LRBA: variants seen among roughly 807,000 people sequenced by gnomAD.
LRBA encodes lipopolysaccharide-responsive and beige-like anchor protein.
A neutral mutation model predicts 330.0 loss-of-function variants in LRBA; 176 were observed. That is an observed-to-expected ratio of 0.53 (90% CI 0.47 to 0.60). The LOEUF is 0.60. Among genes scored for constraint, LRBA ranks in the 20% least tolerant of loss-of-function variants. LRBA has a pLI of 0.00. For synonymous variants in LRBA, 1,230 were observed against 1,193.0 expected, an observed-to-expected ratio of 1.03 and a Z score of -0.64; for missense variants, 3,259 against 3,444.8, an observed-to-expected ratio of 0.95 and a Z score of 1.35.
intron 38 of LRBA, among the ~76,000 whole-genome samples, chr4:150,593,873 T>C (rs1167234374): frequency 6.6e-6 from 1 of 152,224 alleles, no homozygotes; most frequent in East Asian, 1.9e-4. Context: ...TGGTTTAAAA[T>C]AGCTCAAAAA....
At chr4:150,398,999 C>T (rs1458262061) in intron 47 of LRBA, among the ~76,000 whole-genome samples, 1 of 152,072 alleles carries the variant, frequency 6.6e-6, no homozygotes, top group Non-Finnish European at 1.5e-5. Flanking sequence ...AATTAAAATA[C>T]AGAAAATTAA....
intron 22 of LRBA, among the ~76,000 whole-genome samples, chr4:150,855,491 T>C (rs1182241005): frequency 6.6e-6 from 1 of 152,222 alleles, no homozygotes; most frequent in African/African-American, 2.4e-5. Context: ...GTTTTTAGAA[T>C]TTGTATTATA....
At chr4:150,759,236 A>G (rs996448917) in intron 35 of LRBA, among the ~76,000 whole-genome samples, 2 of 152,164 alleles carry the variant, frequency 1.3e-5, no homozygotes, top group Non-Finnish European at 2.9e-5. Flanking sequence ...TTTTTAATCC[A>G]TAAGGGAGAC....
chr4:150,676,277 T>A (rs1226916476), intron 37 of LRBA, among the ~76,000 whole-genome samples: 1 of 152,224 alleles, frequency 6.6e-6, no homozygotes, highest in Non-Finnish European at 1.5e-5. Context: ...TCCAAATATA[T>A]CCTTGTTTAT....
At chr4:151,006,339 T>A (rs1005877634) in intron 2 of LRBA, among the ~76,000 whole-genome samples, 10 of 151,964 alleles carry the variant, frequency 6.6e-5, no homozygotes, top group Non-Finnish European at 1.2e-4. Context: ...AAAATAAAAT[T>A]AAATAAAATA....
chr4:150,329,017 A>C (rs940336411), intron 48 of LRBA, among the ~76,000 whole-genome samples: 1 of 152,198 alleles, frequency 6.6e-6, no homozygotes, highest in Non-Finnish European at 1.5e-5. Flanking sequence ...CTTAACTTTA[A>C]TCTTAACATT....
intron 2 of LRBA, among the ~76,000 whole-genome samples, chr4:151,007,601 T>C (rs1744239954): frequency 6.6e-6 from 1 of 151,618 alleles, no homozygotes; most frequent in Non-Finnish European, 1.5e-5. Flanking sequence ...CTCACATCTG[T>C]AATCCCTGCA....
In LRBA at chr4:150,622,997, A is replaced by G. The variant is rs949924302; in HGVS notation, c.5922-23866T>C. Among the ~76,000 whole-genome samples the G allele has an allele frequency of 2.6e-5, 4 of 152,170 alleles. No homozygotes were observed. In the East Asian group the frequency reaches 7.8e-4, roughly 30 times the overall value. On this transcript the variant is annotated intron_variant, in intron 37 of 56. Coordinates refer to ENST00000651943, the MANE Select transcript of LRBA (RefSeq NM_001364905.1). ...CAGGCGTGAGCCACCGCGCCCGGCC[A>G]ACAATCTTAAGGCTGATTTCCTCTC...
At chr4:150,501,288 T>C (rs565414002) in intron 40 of LRBA, among the ~76,000 whole-genome samples, 1 of 152,302 alleles carries the variant, frequency 6.6e-6, no homozygotes, top group East Asian at 1.9e-4. Flanking sequence ...GACTGACTGA[T>C]GGATGGAGGG....
At chr4:150,819,595 G>A (rs1332250049) in intron 30 of LRBA, among the ~76,000 whole-genome samples, 1 of 152,044 alleles carries the variant, frequency 6.6e-6, no homozygotes, top group South Asian at 2.1e-4. Context: ...TCAGTGATGG[G>A]TCTACAGGTG....
At chr4:150,494,813 G>A (rs1442738627) in intron 40 of LRBA, among the ~76,000 whole-genome samples, 1 of 152,102 alleles carries the variant, frequency 6.6e-6, no homozygotes, top group Non-Finnish European at 1.5e-5. Flanking sequence ...AGCTAACAAG[G>A]TAAAACCCCG....
intron 47 of LRBA, among the ~76,000 whole-genome samples, chr4:150,403,218 T>A (rs977872519): frequency 2.0e-5 from 3 of 152,232 alleles, no homozygotes; most frequent in Admixed American, 2.0e-4. Flanking sequence ...AGGCAGCTCC[T>A]GCACAGCACC....
In LRBA at chr4:150,401,451, C is replaced by T. The variant is rs147147753; in HGVS notation, c.7194+13987G>A. ...CTATTGTAATTATTTCACTTAAAGT[C>T]CCAGTTTCCAAGAACTTATCCATGA... On this transcript the variant is annotated intron_variant, in intron 47 of 56. Coordinates refer to ENST00000651943, the MANE Select transcript of LRBA (RefSeq NM_001364905.1). 3.9e-5 allele frequency among the ~76,000 whole-genome samples: 6 copies of T among 152,116 alleles called. No homozygotes were observed. The East Asian group carries it at 1.2e-3, about 29-fold the overall frequency.
At chr4:150,733,171 T>C (rs1360312236) in intron 36 of LRBA, among the ~76,000 whole-genome samples, 1 of 152,098 alleles carries the variant, frequency 6.6e-6, no homozygotes, top group Non-Finnish European at 1.5e-5. Context: ...ATGAACATTT[T>C]TGTGACGTAA....
chr4:150,547,568 G>A (rs2152238452), intron 40 of LRBA, among the ~76,000 whole-genome samples: 1 of 152,178 alleles, frequency 6.6e-6, no homozygotes, highest in South Asian at 2.1e-4. Context: ...ATTCCCTCTT[G>A]CTATCTGGGC....
intron 37 of LRBA, among the ~76,000 whole-genome samples, chr4:150,651,866 T>C (rs969422500): frequency 4.6e-5 from 7 of 152,206 alleles, no homozygotes; most frequent in East Asian, 1.9e-4. Flanking sequence ...TGATTGATGA[T>C]TGATTGATTG....
intron 40 of LRBA, among the ~76,000 whole-genome samples, chr4:150,566,491 T>G (rs558931764): frequency 5.4e-4 from 82 of 152,134 alleles, no homozygotes; most frequent in Non-Finnish European, 1.0e-3. Context: ...AAATAAAGAC[T>G]GATTTCAAAA....
At chr4:150,483,855 T>C (rs1581444305) in intron 42 of LRBA, among the ~76,000 whole-genome samples, 1 of 152,102 alleles carries the variant, frequency 6.6e-6, no homozygotes. Context: ...ATAAATACAT[T>C]TTCAAATTTA....
intron 44 of LRBA, among the ~76,000 whole-genome samples, chr4:150,451,681 A>G (rs1458684173): frequency 6.6e-6 from 1 of 152,146 alleles, no homozygotes; most frequent in Admixed American, 6.6e-5. Flanking sequence ...AATCAAATAG[A>G]AAAAATATAG....
Sources: allele counts gnomAD v4.1 joint callset (sites outside exome capture counted in the v4.1 genomes callset), GRCh38; gene constraint gnomAD v4.1.1; transcripts MANE v1.5; gene names NCBI Gene and HGNC (gene_info 2026-07-23, HGNC 2026-07-21).